Variants in PIEZO2 observed in about 807,000 individuals in gnomAD.
The protein encoded by PIEZO2 is piezo-type mechanosensitive ion channel component 2.
Under a neutral mutation model 337.3 loss-of-function variants are expected in PIEZO2, and 172 were observed. The ratio of observed to expected loss-of-function variants is 0.51; its 90% CI spans 0.45 to 0.58. PIEZO2 has a LOEUF of 0.58. PIEZO2 is among the 20% of genes least tolerant of loss of function. The pLI is 0.00. For synonymous variants in PIEZO2, 1,251 were observed against 1,228.5 expected (o/e 1.02, Z -0.38); for missense variants, 3,028 against 3,391.3 (o/e 0.89, Z 2.66).
intron 4 of PIEZO2, among the ~76,000 whole-genome samples, chr18:10,882,632 T>G (rs1347245161): frequency 2.0e-5 from 3 of 152,102 alleles, no homozygotes; most frequent in Non-Finnish European, 2.9e-5. Flanking sequence ...CTTTCCTCCC[T>G]GGCCTCTGGT....
intron 49 of PIEZO2, among the ~76,000 whole-genome samples, chr18:10,684,407 T>C (rs1428261051): frequency 2.0e-5 from 3 of 151,192 alleles, no homozygotes; most frequent in African/African-American, 4.9e-5. Flanking sequence ...CCTCGTGATC[T>C]GCCCGCCTCG....
At position 10,675,251 on chromosome 18, in the gene PIEZO2, G is replaced by T; in HGVS notation, c.8119C>A (p.Pro2707Thr). 1 of 1,544,774 alleles carries T rather than the reference G, an allele frequency of 6.5e-7. No individual in the cohort carries two copies. The highest frequency in any genetic ancestry group is 8.8e-7 in the Non-Finnish European group (1 of 1,142,352). ...EKIYPYYVKA[P>T]SDSNSKPIKQ... is the part of the protein sequence containing the mutation. Reference sequence around the variant, plus strand: ...ATAGGTTTTGAGTTAGAATCACTAGGTGCTTTCACATAATATGGATAAATC... The same window carrying T: ...ATAGGTTTTGAGTTAGAATCACTAGTTGCTTTCACATAATATGGATAAATC... Residue 2707 changes from proline to threonine, a missense_variant, in exon 54 of 56, where the codon CCT (proline) becomes ACT (threonine). By Grantham distance (38) the Pro-to-Thr change is conservative. Around this residue, in one of 5 missense-constraint regions of PIEZO2, gnomAD observed 332 missense variants for 363.8 expected, o/e 0.91. Coordinates refer to ENST00000674853, the MANE Select transcript of PIEZO2 (RefSeq NM_001378183.1).
chr18:10,897,144 C>A (rs1219480672), intron 4 of PIEZO2, among the ~76,000 whole-genome samples: 1 of 152,096 alleles, frequency 6.6e-6, no homozygotes, highest in Non-Finnish European at 1.5e-5. Flanking sequence ...GGCTTGGTTT[C>A]CTCCATATGG....
rs763920564 is a variant in PIEZO2, at chr18:11,032,377, A to G, written c.160+33750T>C. ...TTTCCGTGTCTGCAGACAGAAGGTA[A>G]TGGCATCTCTCCATTATATCCTTAC... On this transcript the variant is annotated intron_variant, in intron 2 of 55. Coordinates refer to ENST00000674853, the MANE Select transcript of PIEZO2 (RefSeq NM_001378183.1). This position sits in a 1 kb window ranked among gnomAD's most constrained non-coding sequence, Gnocchi z 4.9. 1.3e-5 allele frequency among the ~76,000 whole-genome samples: 2 copies of G among 152,192 alleles called. No homozygotes were observed. Among genetic ancestry groups the G allele is most frequent in the Non-Finnish European group, 2.9e-5 (2 of 68,022 alleles).
chr18:10,976,285 T>TACA (rs1391139810), intron 3 of PIEZO2, among the ~76,000 whole-genome samples: 1 of 152,178 alleles, frequency 6.6e-6, no homozygotes, highest in Admixed American at 6.5e-5. Flanking sequence ...TTTTAAATGC[T>TACA]ACACATAAAA....
intron 4 of PIEZO2, among the ~76,000 whole-genome samples, chr18:10,906,558 A>T (rs1431863979): frequency 1.3e-5 from 2 of 152,010 alleles, no homozygotes; most frequent in Non-Finnish European, 2.9e-5. Flanking sequence ...GATAGATATT[A>T]TAAGAACTTT....
chr18:10,886,693 G>A (rs1485652036), intron 4 of PIEZO2, among the ~76,000 whole-genome samples: 1 of 151,002 alleles, frequency 6.6e-6, no homozygotes, highest in African/African-American at 2.4e-5. Flanking sequence ...TTATTGTGCT[G>A]TGCTCACCTA....
At chr18:10,709,337 T>C (rs554870462) in intron 39 of PIEZO2, 1 of 152,308 alleles carries the variant, frequency 6.6e-6, no homozygotes, top group South Asian at 2.1e-4. Context: ...CACAGAGGTG[T>C]GACACACGCA....
chr18:11,014,351 C>A (rs1356197361), intron 2 of PIEZO2, among the ~76,000 whole-genome samples: 1 of 124,056 alleles, frequency 8.1e-6, no homozygotes, highest in Non-Finnish European at 1.7e-5. Context: ...GTGGTGGGCA[C>A]GTCACCCTGG....
chr18:10,680,221 C>T lies in PIEZO2; in HGVS notation c.7930G>A (p.Val2644Ile), dbSNP rs188308955. ...LLDPNSSFSV[V>I]FSWSIQRNLS... ...TACCTCTGAATACTCCATGAAAAAA[C>T]AACAGAGAAGCTACTATTGGGGTCC... is the stretch of plus-strand genomic sequence containing the variant. Residue 2644 changes from valine (V) to isoleucine (I), a missense_variant, in exon 52 of 56, where the codon GTT (valine) becomes ATT (isoleucine). Physicochemically the swap from Val to Ile is conservative, Grantham distance 29. This residue lies in a region of PIEZO2 where 332 missense variants were observed against 363.8 expected (regional missense o/e 0.91). Coordinates refer to ENST00000674853, the MANE Select transcript of PIEZO2 (RefSeq NM_001378183.1). 1.2e-6 allele frequency: 2 copies of T among 1,612,920 alleles called. No individual in the cohort carries two copies. Among genetic ancestry groups the T allele is most frequent in the African/African-American group, 2.7e-5 (2 of 74,924 alleles).
At chr18:11,089,321 G>A (rs2039000485) in intron 1 of PIEZO2, among the ~76,000 whole-genome samples, 2 of 152,088 alleles carry the variant, frequency 1.3e-5, no homozygotes, top group Non-Finnish European at 2.9e-5. Context: ...AAAACCTGTT[G>A]CTGAATTCAG....
chr18:11,030,341 A>G (rs2036685230), intron 2 of PIEZO2, among the ~76,000 whole-genome samples: 1 of 152,238 alleles, frequency 6.6e-6, no homozygotes, highest in South Asian at 2.1e-4. Context: ...ATAATCAAGA[A>G]AAGAGAGTAT....
intron 2 of PIEZO2, among the ~76,000 whole-genome samples, chr18:11,057,271 C>T (rs959564416): frequency 2.0e-5 from 3 of 152,196 alleles, no homozygotes; most frequent in Non-Finnish European, 2.9e-5. Flanking sequence ...TCTTCCATCC[C>T]CTTCAGTAAC....
intron 46 of PIEZO2, 44 bp downstream of exon 46, chr18:10,696,348 C>T (rs201738095): frequency 5.0e-6 from 8 of 1,613,624 alleles, no homozygotes; most frequent in African/African-American, 2.7e-5. Context: ...GAAGCGCCAT[C>T]GCCATGGGTC....
rs914390141 is a variant in PIEZO2, at chr18:11,148,122, G to A, written c.64+403C>T. 1.8e-4 allele frequency among the ~76,000 whole-genome samples: 27 copies of A among 152,210 alleles called. No homozygotes were observed. The highest frequency in any genetic ancestry group is 3.4e-3 in the Middle Eastern group (1 of 294). On this transcript the variant is annotated intron_variant, in intron 1 of 55. Coordinates refer to ENST00000674853, the MANE Select transcript of PIEZO2 (RefSeq NM_001378183.1). This position sits in a 1 kb window ranked among gnomAD's most constrained non-coding sequence, Gnocchi z 5.2. ...GAGATGGCCTCTGGGCCGTCTGGAG[G>A]CACAGCATGCTGTGCTTGCAGGGTC...
At chr18:11,049,103 T>C (rs931793377) in intron 2 of PIEZO2, among the ~76,000 whole-genome samples, 152 of 152,198 alleles carry the variant, frequency 1.0e-3, no homozygotes, top group African/African-American at 3.4e-3. Flanking sequence ...TAAACACCTT[T>C]AAAGGGAAAA....
chr18:10,947,928 A>G (rs1006232816), intron 3 of PIEZO2, among the ~76,000 whole-genome samples: 3 of 152,200 alleles, frequency 2.0e-5, no homozygotes, highest in Non-Finnish European at 2.9e-5. Context: ...AATCATATAA[A>G]TCCAAAGAAA....
At position 10,854,408 on chromosome 18, in the gene PIEZO2, T is replaced by A. The variant is rs1230990438; in HGVS notation, c.917+945A>T. On this transcript the variant is annotated intron_variant, in intron 7 of 55. Transcript: ENST00000674853. The surrounding 1 kb of genome is among the most constrained non-coding windows in gnomAD (Gnocchi z 4.6). Reference sequence around the variant, plus strand: ...GTCATTGTGCAACCACCACGACCTTTATAGTAATTATTTCAGGTGTGGACA... The same window carrying A: ...GTCATTGTGCAACCACCACGACCTTAATAGTAATTATTTCAGGTGTGGACA... 1.3e-5 allele frequency among the ~76,000 whole-genome samples: 2 copies of A among 152,220 alleles called. No homozygotes were observed.
In PIEZO2 at chr18:10,851,037, G is replaced by C. The variant is rs145493216; in HGVS notation, c.917+4316C>G. Among the ~76,000 whole-genome samples, 7 of 152,198 alleles carry C rather than the reference G, an allele frequency of 4.6e-5. 1 individual carries two copies. In the Middle Eastern group the frequency reaches 0.01, roughly 222 times the overall value. On this transcript the variant is annotated intron_variant, in intron 7 of 55. Transcript: ENST00000674853. Reference sequence around the variant, plus strand: ...TATCTATCCAGGAAGTGAGACAGAAGGGCTGGAGTCTCCGTGGTTATGAAA... The same window carrying C: ...TATCTATCCAGGAAGTGAGACAGAACGGCTGGAGTCTCCGTGGTTATGAAA...
Sources: allele counts gnomAD v4.1 joint callset (sites outside exome capture counted in the v4.1 genomes callset), GRCh38; gene constraint gnomAD v4.1.1; regional missense constraint gnomAD v4.1.1; non-coding constraint Gnocchi (gnomAD v3.1); transcripts MANE v1.5; gene names NCBI Gene and HGNC (gene_info 2026-07-23, HGNC 2026-07-21).